The following IL12RB2 variants were observed in gnomAD, a reference collection of about 807,000 sequenced individuals.
IL12RB2 encodes interleukin 12 receptor subunit beta 2.
IL12RB2 carries 82 observed loss-of-function variants against 89.4 expected under a neutral mutation model. That is an observed-to-expected ratio of 0.92 (90% CI 0.77 to 1.10). IL12RB2 has a LOEUF of 1.10. Among genes scored for constraint, IL12RB2 ranks in the 50% least tolerant of loss-of-function variants. The probability of loss-of-function intolerance (pLI) is 0.00; values close to 1 mark genes in which losing one functional copy is unlikely to be tolerated. For missense variants in IL12RB2, 963 were observed against 1,031.9 expected (o/e 0.93, Z 0.92); for synonymous variants, 368 against 370.1 (o/e 0.99, Z 0.07).
At position 67,337,342 on chromosome 1, in the gene IL12RB2, G is replaced by A. The variant is rs561472107; in HGVS notation, c.959-1282G>A. Among the ~76,000 whole-genome samples the A allele has an allele frequency of 5.9e-5, 9 of 152,266 alleles. No individual in the cohort carries two copies. In the South Asian group the frequency reaches 1.7e-3, roughly 28 times the overall value. The stretch of plus-strand genomic sequence containing the variant: ...AATTAGCTTGGTGCAGCTGAAGCCT[G>A]TTTTCAGGAGTTGTTTCTGCTGGTT... On this transcript the variant is annotated intron_variant, in intron 8 of 16. Transcript: ENST00000674203.
chr1:67,327,632 G>C (rs866139611), intron 5 of IL12RB2, among the ~76,000 whole-genome samples: 11 of 152,314 alleles, frequency 7.2e-5, no homozygotes, highest in Non-Finnish European at 1.3e-4. Flanking sequence ...AGAGAGTCTG[G>C]GAGATTCTGT....
At chr1:67,343,415 T>C (rs1659876403) in intron 9 of IL12RB2, among the ~76,000 whole-genome samples, 1 of 152,150 alleles carries the variant, frequency 6.6e-6, no homozygotes, top group Admixed American at 6.6e-5. Context: ...ATACTTTCAA[T>C]GTTGAAGCCA....
At chr1:67,362,593 GA>G (rs1437203524) in intron 10 of IL12RB2, among the ~76,000 whole-genome samples, 1 of 131,668 alleles carries the variant, frequency 7.6e-6, no homozygotes, top group Non-Finnish European at 1.7e-5. Context: ...AAAAAAAAAA[GA>G]AAAAGAAAAA....
intron 10 of IL12RB2, among the ~76,000 whole-genome samples, chr1:67,353,126 C>A (rs1014931076): frequency 1.3e-5 from 2 of 152,176 alleles, no homozygotes; most frequent in Non-Finnish European, 1.5e-5. Flanking sequence ...AAAGAATGGA[C>A]TGGTTAAACT....
intron 14 of IL12RB2, among the ~76,000 whole-genome samples, chr1:67,382,284 C>T (rs1664679523): frequency 6.6e-6 from 1 of 152,340 alleles, no homozygotes; most frequent in East Asian, 1.9e-4. Flanking sequence ...CCTCCATTAA[C>T]TTCCCTATTC....
At chr1:67,319,024 G>A (rs1009901705) in intron 2 of IL12RB2, among the ~76,000 whole-genome samples, 2 of 152,222 alleles carry the variant, frequency 1.3e-5, no homozygotes, top group South Asian at 2.1e-4. Flanking sequence ...TAGAGGTAGA[G>A]GAAACAAAGG....
rs778586536 is a variant in IL12RB2, at chr1:67,329,671, G to A, written c.749G>A (p.Gly250Glu). 2.5e-6 allele frequency: 4 copies of A among 1,592,606 alleles called. No homozygotes were observed. In the South Asian group the frequency reaches 4.4e-5, roughly 18 times the overall value. The change falls in exon 7 of 17, where the codon GGA (glycine) becomes GAA (glutamate). Residue 250 changes from glycine to glutamate, a missense_variant. Coordinates refer to ENST00000674203, the MANE Select transcript of IL12RB2 (RefSeq NM_001374259.2). ...TGTACCCTTTATTGGAGAGATGAGG[G>A]ACTGGTACTGCTTAATCGACTCAGA... ...SRCTLYWRDE[G>E]LVLLNRLRYR...
intron 8 of IL12RB2, among the ~76,000 whole-genome samples, chr1:67,337,942 CACATATACTTTATTTTT>C (rs1659006739): frequency 6.7e-6 from 1 of 148,668 alleles, no homozygotes; most frequent in Admixed American, 6.7e-5. Context: ...AGAAAAGAAC[CACATATACTTTATTTTT>C]ATTTTTTTGC....
chr1:67,315,557 G>A (rs909478187), intron 2 of IL12RB2, among the ~76,000 whole-genome samples: 1 of 152,086 alleles, frequency 6.6e-6, no homozygotes, highest in Non-Finnish European at 1.5e-5. Flanking sequence ...CTAGGGTCTT[G>A]GTTGAGTCTG....
chr1:67,381,828 A>T (rs1326192318), intron 14 of IL12RB2, among the ~76,000 whole-genome samples: 1 of 151,258 alleles, frequency 6.6e-6, no homozygotes, highest in East Asian at 1.9e-4. Context: ...TTAAGGACTC[A>T]GACAAAAATT....
Position 67,386,604 on chromosome 1 carries a change from G to A in IL12RB2, c.1881G>A (p.Val627=), listed in dbSNP as rs746560284. Residue 627 remains valine, a synonymous_variant, in exon 15 of 17, where the codon GTG becomes GTA. Transcript: ENST00000674203. ...GTAAAGCCAATTGGATGGCGTTTGT[G>A]GCACCAAGCATTTGCATTGCTATCA... The part of the protein sequence containing the change: ...LQGKANWMAF[V]APSICIAIIM... 3 of 1,613,476 alleles carry A rather than the reference G, an allele frequency of 1.9e-6. No homozygotes were observed. The South Asian group carries it at 3.3e-5, about 18-fold the overall frequency.
At position 67,316,320 on chromosome 1, in the gene IL12RB2, T is replaced by C. The variant is rs1569706361; in HGVS notation, c.-37+2320T>C. On this transcript the variant is annotated intron_variant, in intron 2 of 16. Coordinates refer to ENST00000674203, the MANE Select transcript of IL12RB2 (RefSeq NM_001374259.2). ...CCTGAAATCTGAACACTTCTTTCCA[T>C]TGCCACTACAACACCTGAGGACCAC... Among the ~76,000 whole-genome samples the C allele has an allele frequency of 2.0e-5, 3 of 152,074 alleles. No homozygotes were observed. The South Asian group carries it at 6.2e-4, about 32-fold the overall frequency.
At position 67,395,887 on chromosome 1, in the gene IL12RB2, C is replaced by G. The variant is rs1243524401; in HGVS notation, c.2387C>G (p.Thr796Ser). ...WTVLPAGDLP[T>S]HDGYLPSNID... ...GTGCTCCCAGCAGGTGACCTTCCCA[C>G]CCATGATGGCTACTTACCCTCCAAC... Residue 796 changes from threonine to serine, a missense_variant, in exon 17 of 17, where the codon ACC (threonine) becomes AGC (serine). Thr to Ser is a moderately conservative substitution (Grantham distance 58, BLOSUM62 1). Transcript: ENST00000674203. The G allele has an allele frequency of 1.2e-6, 2 of 1,608,186 alleles. No individual in the cohort carries two copies. Among genetic ancestry groups the G allele is most frequent in the South Asian group, 1.1e-5 (1 of 90,816 alleles).
chr1:67,372,089 T>C (rs1184920538), intron 11 of IL12RB2, among the ~76,000 whole-genome samples: 1 of 151,810 alleles, frequency 6.6e-6, no homozygotes, highest in East Asian at 1.9e-4. Context: ...TGTGTGTGTG[T>C]GTGTGTGTGG....
chr1:67,372,041 T>C (rs897500814), intron 11 of IL12RB2, among the ~76,000 whole-genome samples: 1 of 151,492 alleles, frequency 6.6e-6, no homozygotes, highest in Non-Finnish European at 1.5e-5. Context: ...CAAGTTGTTT[T>C]GTTTGTTTCA....
At position 67,394,338 on chromosome 1, in the gene IL12RB2, C is replaced by G. The variant is rs967888934; in HGVS notation, c.2047-1209C>G. The stretch of plus-strand genomic sequence containing the variant: ...GGATTGTTTCTAGGATGCAAAGAGA[C>G]CCCAATTAAAGCCCAGTTTTTTAAA... On this transcript the variant is annotated intron_variant, in intron 16 of 16. Transcript: ENST00000674203. Among the ~76,000 whole-genome samples the G allele has an allele frequency of 2.6e-5, 4 of 152,034 alleles. No individual in the cohort carries two copies. In the East Asian group the frequency reaches 7.7e-4, roughly 29 times the overall value.
chr1:67,383,923 C>A (rs974347634), intron 14 of IL12RB2, among the ~76,000 whole-genome samples: 3 of 152,246 alleles, frequency 2.0e-5, no homozygotes, highest in Admixed American at 2.0e-4. Flanking sequence ...CAGCCTTGGG[C>A]AGCTCCACCT....
rs530256188 is a variant in IL12RB2, at chr1:67,330,550, A to G, written c.808-110A>G. The G allele has an allele frequency of 4.4e-4, 305 of 686,000 alleles. 2 individuals carry two copies. In the South Asian group the frequency reaches 4.8e-3, roughly 11 times the overall value. 42.5% of individuals were successfully genotyped at this position (686,000 alleles called of 1,614,324 possible). ...CTTCTCATTTAATGGTAGGTCTGAA[A>G]AACAAATAAGATCAAATAGCCTGGG... On this transcript the variant is annotated intron_variant, in intron 7 of 16. Coordinates refer to ENST00000674203, the MANE Select transcript of IL12RB2 (RefSeq NM_001374259.2).
intron 10 of IL12RB2, among the ~76,000 whole-genome samples, chr1:67,354,643 G>C (rs1661190110): frequency 6.6e-6 from 1 of 152,190 alleles, no homozygotes; most frequent in Non-Finnish European, 1.5e-5. Context: ...AACACAAGTA[G>C]TTGTGTGTCC....
Sources: gnomAD v4.1 joint callset for allele counts (sites outside exome capture counted in the v4.1 genomes callset) on GRCh38, gnomAD v4.1.1 for gene constraint, MANE v1.5 for transcripts, NCBI Gene and HGNC (gene_info 2026-07-23, HGNC 2026-07-21) for gene names.